The following CLIP4 variants were observed in gnomAD, a reference collection of about 807,000 sequenced individuals.
CLIP4 encodes the protein CAP-Gly domain containing linker protein family member 4.
A neutral mutation model predicts 73.1 loss-of-function variants in CLIP4; 47 were observed. The ratio of observed to expected loss-of-function variants is 0.64; its 90% CI spans 0.51 to 0.82. The LOEUF (loss-of-function observed/expected upper bound fraction) is 0.82, where lower values mean the gene tolerates loss of function less well. Ranked by LOEUF, CLIP4 falls within the 40% of genes least tolerant of loss-of-function variation. The pLI is 0.00. For synonymous variants in CLIP4, 306 were observed against 295.4 expected (o/e 1.04, Z -0.37); for missense variants, 874 against 852.9 (o/e 1.02, Z -0.31).
intron 9 of CLIP4, 25 bp from the exon 10 acceptor site, chr2:29,156,328 TA>T (rs751123695): frequency 6.7e-7 from 1 of 1,490,494 alleles, no homozygotes; most frequent in Non-Finnish European, 9.1e-7. Context: ...AATTCTTGCT[TA>T]AAGTGTTTTA....
At chr2:29,103,222 G>C (rs948466980) in intron 1 of CLIP4, among the ~76,000 whole-genome samples, 2 of 151,932 alleles carry the variant, frequency 1.3e-5, no homozygotes, top group African/African-American at 2.4e-5. Context: ...GATAAAAAAT[G>C]TTTAAAAATA....
In CLIP4 at chr2:29,143,736, G is replaced by T. The variant is rs1457024103; in HGVS notation, c.676G>T (p.Val226Phe). 6.2e-7 allele frequency: 1 copy of T among 1,613,524 alleles called. No individual in the cohort carries two copies. The highest frequency in any genetic ancestry group is 1.1e-5 in the South Asian group (1 of 91,058). ...RNDKGQIPAD[V>F]VPDPVDMPLE... is the part of the protein sequence containing the mutation. ...TGACAAAGGACAGATCCCTGCTGATGTTGTTCCAGACCCAGTAGATATGCC... is the reference window on the plus strand; with the variant it reads ...TGACAAAGGACAGATCCCTGCTGATTTTGTTCCAGACCCAGTAGATATGCC... Residue 226 changes from valine (V) to phenylalanine (F), a missense_variant, in exon 7 of 16, where the codon GTT becomes TTT. By Grantham distance (50) the Val-to-Phe change is conservative (BLOSUM62 -1). Transcript: ENST00000320081.
intron 14 of CLIP4, among the ~76,000 whole-genome samples, chr2:29,171,535 T>C (rs1668001635): frequency 6.6e-6 from 1 of 151,530 alleles, no homozygotes; most frequent in Non-Finnish European, 1.5e-5. Flanking sequence ...TTTTTTTTTT[T>C]TGAGACGGAG....
chr2:29,122,826 C>CAAAAA (rs11364909), intron 2 of CLIP4, among the ~76,000 whole-genome samples: 7 of 61,914 alleles, frequency 1.1e-4, no homozygotes, highest in African/African-American at 1.4e-4. Flanking sequence ...ACTTTGTCTC[C>CAAAAA]AAAAAAAAAA....
intron 13 of CLIP4, 36 bp from the exon 14 acceptor site, chr2:29,167,440 C>G: frequency 1.3e-6 from 2 of 1,491,742 alleles, no homozygotes; most frequent in Non-Finnish European, 1.8e-6. Context: ...TGAAGACCAG[C>G]TACTTCTAAC....
At chr2:29,130,375 A>G (rs186362872) in intron 2 of CLIP4, among the ~76,000 whole-genome samples, 1 of 152,366 alleles carries the variant, frequency 6.6e-6, no homozygotes, top group Non-Finnish European at 1.5e-5. Flanking sequence ...AGTAAGGTTT[A>G]TAAAGCCTAG....
At chr2:29,149,422 T>TTTTC in intron 8 of CLIP4, among the ~76,000 whole-genome samples, 1 of 151,630 alleles carries the variant, frequency 6.6e-6, no homozygotes, top group East Asian at 1.9e-4. Context: ...TTTTTTTTTT[T>TTTTC]TTCTTTAGAG....
chr2:29,111,286 G>A, upstream of CLIP4, among the ~76,000 whole-genome samples: 1 of 152,228 alleles, frequency 6.6e-6, no homozygotes, highest in East Asian at 1.9e-4. Flanking sequence ...AAGCAGTGGT[G>A]TGTTGAAAAC....
intron 15 of CLIP4, among the ~76,000 whole-genome samples, chr2:29,176,731 C>G (rs1668367297): frequency 6.6e-6 from 1 of 152,186 alleles, no homozygotes; most frequent in African/African-American, 2.4e-5. Context: ...TGGGATCTGT[C>G]TCCTGTCCTG....
chr2:29,135,544 G>T lies in CLIP4; in HGVS notation c.530-4G>T, dbSNP rs920628642. On this transcript the variant is annotated splice_region_variant and splice_polypyrimidine_tract_variant and intron_variant, in intron 5 of 15. Coordinates refer to ENST00000320081, the MANE Select transcript of CLIP4 (RefSeq NM_024692.6). Reference sequence around the variant, plus strand: ...GTTAATATACTTATGATGTTTAATTGCAGATGTGGATGCCACTTGCAGTGA... The same window carrying T: ...GTTAATATACTTATGATGTTTAATTTCAGATGTGGATGCCACTTGCAGTGA... 6.3e-7 allele frequency: 1 copy of T among 1,593,078 alleles called. No homozygotes were observed. The highest frequency in any genetic ancestry group is 8.6e-7 in the Non-Finnish European group (1 of 1,167,800).
chr2:29,123,635 T>C (rs927080286), intron 2 of CLIP4, among the ~76,000 whole-genome samples: 11 of 152,162 alleles, frequency 7.2e-5, no homozygotes, highest in Admixed American at 7.2e-4. Context: ...AAGACCTTGG[T>C]ATATCCTAAG....
chr2:29,125,885 A>AT (rs1459181892), intron 2 of CLIP4, among the ~76,000 whole-genome samples: 1 of 152,102 alleles, frequency 6.6e-6, no homozygotes, highest in Non-Finnish European at 1.5e-5. Flanking sequence ...ATTAAAAGCT[A>AT]TTTTTTAGGC....
intron 1 of CLIP4, among the ~76,000 whole-genome samples, chr2:29,107,190 T>C (rs1021920471): frequency 1.3e-5 from 2 of 152,244 alleles, no homozygotes; most frequent in East Asian, 3.9e-4. Context: ...AAGCTTCTGA[T>C]GGTTTACAGC....
At chr2:29,157,169 T>C in intron 10 of CLIP4, 35 bp from the exon 11 acceptor site, 1 of 1,595,736 alleles carries the variant, frequency 6.3e-7, no homozygotes, top group East Asian at 2.2e-5. Flanking sequence ...CACATCTTAT[T>C]TTCCACCGTT....
intron 1 of CLIP4, among the ~76,000 whole-genome samples, chr2:29,107,408 G>T (rs1668257133): frequency 9.4e-6 from 1 of 105,912 alleles, no homozygotes. Flanking sequence ...GTCTCACTCT[G>T]TCGCCCAGGC....
chr2:29,151,470 T>C (rs1455384233), intron 8 of CLIP4, among the ~76,000 whole-genome samples: 1 of 151,812 alleles, frequency 6.6e-6, no homozygotes, highest in Admixed American at 6.6e-5. Flanking sequence ...AGAGAAAGAA[T>C]AGAAAGTCAT....
chr2:29,181,552 C>T lies in CLIP4; in HGVS notation c.1797-20C>T. 6.5e-7 allele frequency: 1 copy of T among 1,530,730 alleles called. No individual in the cohort carries two copies. Among genetic ancestry groups the T allele is most frequent in the Non-Finnish European group, 8.8e-7 (1 of 1,136,904 alleles). The allele number at this position is 1,530,730 out of a possible 1,614,324, so 94.8% of individuals were successfully genotyped here. The stretch of plus-strand genomic sequence containing the variant: ...GGCTTCAGCACTAAATAATTTTTCC[C>T]ACTTTTCCCTTCCGCACAGATCGAA... On this transcript the variant is annotated intron_variant, in intron 15 of 15. Transcript: ENST00000320081.
intron 13 of CLIP4, among the ~76,000 whole-genome samples, chr2:29,166,163 C>T (rs1315205365): frequency 6.6e-6 from 1 of 152,110 alleles, no homozygotes; most frequent in Non-Finnish European, 1.5e-5. Flanking sequence ...CGTTTCTAAT[C>T]TGAACCAGCT....
At chr2:29,168,206 AT>A (rs947266844) in intron 14 of CLIP4, among the ~76,000 whole-genome samples, 5 of 151,952 alleles carry the variant, frequency 3.3e-5, no homozygotes, top group Non-Finnish European at 7.4e-5. Context: ...TTTAATTTGC[AT>A]TTTCTGGATT....
Sources: gnomAD v4.1 joint callset for allele counts (sites outside exome capture counted in the v4.1 genomes callset) on GRCh38, gnomAD v4.1.1 for gene constraint, MANE v1.5 for transcripts, NCBI Gene and HGNC (gene_info 2026-07-23, HGNC 2026-07-21) for gene names.